SUSD1: variants seen among roughly 807,000 people sequenced by gnomAD.
The protein encoded by SUSD1 is sushi domain-containing protein 1.
In SUSD1, 65 loss-of-function variants were observed where a neutral mutation model predicts 86.9. That is an observed-to-expected ratio of 0.75 (90% CI 0.61 to 0.92). The LOEUF (loss-of-function observed/expected upper bound fraction) is 0.92, where lower values mean the gene tolerates loss of function less well. Ranked by LOEUF, SUSD1 falls within the 40% of genes least tolerant of loss-of-function variation. SUSD1 has a pLI of 0.00. For missense variants in SUSD1, 850 were observed against 929.7 expected, an observed-to-expected ratio of 0.91 and a Z score of 1.11; for synonymous variants, 346 against 350.0, an observed-to-expected ratio of 0.99 and a Z score of 0.13.
intron 12 of SUSD1, among the ~76,000 whole-genome samples, chr9:112,064,861 G>T (rs1375486763): frequency 6.8e-6 from 1 of 146,756 alleles, no homozygotes; most frequent in African/African-American, 2.5e-5. Flanking sequence ...GGGTGACAGA[G>T]TGAGACTCTG....
At chr9:112,090,305 T>C (rs893035149) in intron 10 of SUSD1, among the ~76,000 whole-genome samples, 14 of 152,122 alleles carry the variant, frequency 9.2e-5, no homozygotes. Flanking sequence ...ATTGACTCCA[T>C]TAGACAGAAA....
intron 13 of SUSD1, 152 bp from the exon 14 acceptor site, chr9:112,058,838 G>A: frequency 2.2e-6 from 2 of 930,118 alleles, no homozygotes; most frequent in East Asian, 5.3e-5. Context: ...TCTGTCACTA[G>A]GCTGGAGTAC....
At chr9:112,076,987 G>C (rs1216766749) in intron 12 of SUSD1, among the ~76,000 whole-genome samples, 1 of 152,224 alleles carries the variant, frequency 6.6e-6, no homozygotes, top group Non-Finnish European at 1.5e-5. Flanking sequence ...AGAACAGGAG[G>C]TAGGGCTGTG....
Position 112,113,207 on chromosome 9 carries a change from T to C in SUSD1, c.887-339A>G, listed in dbSNP as rs1831176108. On this transcript the variant is annotated intron_variant, in intron 6 of 16. Coordinates refer to ENST00000374270, the MANE Select transcript of SUSD1 (RefSeq NM_022486.5). This position sits in a 1 kb window ranked among gnomAD's most constrained non-coding sequence, Gnocchi z 4.1. ...ATGAGGCCCAGAGCTGGGTCCTCAG[T>C]GAGACCTTCCCTGCAACTGCACAGG... Among the ~76,000 whole-genome samples, 1 of 152,190 alleles carries C rather than the reference T, an allele frequency of 6.6e-6. No individual in the cohort carries two copies. The highest frequency in any genetic ancestry group is 1.5e-5 in the Non-Finnish European group (1 of 68,030).
intron 10 of SUSD1, among the ~76,000 whole-genome samples, chr9:112,093,932 C>CT (rs1286659609): frequency 8.6e-5 from 13 of 151,760 alleles, no homozygotes; most frequent in Admixed American, 2.6e-4. Flanking sequence ...TTAGCTACCA[C>CT]TTTTTTTTTA....
chr9:112,084,101 A>G (rs151127572), intron 10 of SUSD1, among the ~76,000 whole-genome samples: 2,019 of 152,334 alleles, frequency 0.013, 20 homozygotes, highest in Non-Finnish European at 0.023. Context: ...CACCTGACTG[A>G]CTGTATAACA....
chr9:112,110,238 A>G (rs558376491), intron 8 of SUSD1, among the ~76,000 whole-genome samples: 1 of 152,236 alleles, frequency 6.6e-6, no homozygotes, highest in East Asian at 1.9e-4. Context: ...AATCCCAGCT[A>G]CTCAGAAGGC....
intron 8 of SUSD1, among the ~76,000 whole-genome samples, chr9:112,109,000 C>T (rs539591456): frequency 6.6e-5 from 10 of 152,088 alleles, no homozygotes; most frequent in Non-Finnish European, 1.5e-5. Flanking sequence ...ACTTAGGAGT[C>T]AGAATAACCT....
In SUSD1 at chr9:112,143,621, T is replaced by G. The variant is rs1030835256; in HGVS notation, c.376A>C (p.Ile126Leu). ...IPNDGTFCTD[I>L]DECEVSGLCR... ...AGGCCAGAAACTTCACACTCATCTA[T>G]GTCTTGGGACCCAATCCAAATAGAG... Residue 126 changes from isoleucine (I) to leucine (L), a missense_variant and splice_region_variant, in exon 4 of 17, where the codon ATA (isoleucine) becomes CTA (leucine). Ile to Leu is a conservative substitution (Grantham distance 5). Coordinates refer to ENST00000374270, the MANE Select transcript of SUSD1 (RefSeq NM_022486.5). 3.7e-6 allele frequency: 6 copies of G among 1,611,942 alleles called. No homozygotes were observed. In the Admixed American group the frequency reaches 1.0e-4, roughly 27 times the overall value.
chr9:112,112,837 C>A lies in SUSD1; in HGVS notation c.918G>T (p.Leu306=), dbSNP rs138471089. The change falls in exon 7 of 17, where the codon CTG becomes CTT. Residue 306 remains leucine (L), a synonymous_variant. Transcript: ENST00000374270. ...EILTKINDVS[L]FNDTCVRWQI... ...GCCATCTCACACAGGTATCATTAAACAGTGATACATCATTAATCTTTGTCA... is the reference window on the plus strand; with the variant it reads ...GCCATCTCACACAGGTATCATTAAAAAGTGATACATCATTAATCTTTGTCA... The A allele has an allele frequency of 8.2e-5, 132 of 1,611,886 alleles. 1 individual carries two copies. The South Asian group carries it at 1.3e-3, about 15-fold the overall frequency.
intron 2 of SUSD1, among the ~76,000 whole-genome samples, 155 bp from the exon 3 acceptor site, chr9:112,149,554 C>G (rs540737049): frequency 6.6e-6 from 1 of 152,276 alleles, no homozygotes; most frequent in East Asian, 1.9e-4. Flanking sequence ...TCACGATGCT[C>G]CCCAGACTAC....
At chr9:112,149,931 T>C (rs1832973025) in intron 2 of SUSD1, among the ~76,000 whole-genome samples, 1 of 152,224 alleles carries the variant, frequency 6.6e-6, no homozygotes, top group African/African-American at 2.4e-5. Flanking sequence ...GTCAATGACC[T>C]GTGGTGAATA....
intron 13 of SUSD1, among the ~76,000 whole-genome samples, chr9:112,059,803 T>C (rs1828630810): frequency 6.6e-6 from 1 of 152,216 alleles, no homozygotes; most frequent in Non-Finnish European, 1.5e-5. Context: ...TATTCCCATC[T>C]ATCTGGTACT....
chr9:112,135,167 C>G (rs1265040426), intron 5 of SUSD1, among the ~76,000 whole-genome samples: 1 of 152,138 alleles, frequency 6.6e-6, no homozygotes, highest in Non-Finnish European at 1.5e-5. Flanking sequence ...ATTAACCGCT[C>G]TAATGAGCTC....
intron 12 of SUSD1, among the ~76,000 whole-genome samples, chr9:112,075,444 A>G (rs1363762995): frequency 6.6e-6 from 1 of 152,220 alleles, no homozygotes; most frequent in Non-Finnish European, 1.5e-5. Context: ...AACAAGCTCT[A>G]GGCTGGGCAC....
At chr9:112,122,286 G>A (rs966808440) in intron 6 of SUSD1, among the ~76,000 whole-genome samples, 1 of 152,150 alleles carries the variant, frequency 6.6e-6, no homozygotes, top group South Asian at 2.1e-4. Flanking sequence ...TCAGCCACCT[G>A]AGTACTGGGG....
intron 2 of SUSD1, among the ~76,000 whole-genome samples, chr9:112,151,548 G>T (rs1033662601): frequency 2.0e-5 from 3 of 151,038 alleles, no homozygotes; most frequent in Admixed American, 1.3e-4. Flanking sequence ...AGCAAGCAGA[G>T]ATCATGCCAT....
At chr9:112,142,691 A>G (rs1202004382) in intron 4 of SUSD1, 192 bp from the exon 5 acceptor site, 2 of 563,088 alleles carry the variant, frequency 3.6e-6, no homozygotes, top group Non-Finnish European at 6.1e-6. Context: ...TTGGCCTTCC[A>G]TAGGTAAAGC....
intron 13 of SUSD1, among the ~76,000 whole-genome samples, chr9:112,061,943 A>G (rs568390689): frequency 1.3e-5 from 2 of 152,044 alleles, no homozygotes; most frequent in African/African-American, 4.8e-5. Context: ...CGCCAACCTC[A>G]ATCTTCCTCT....
Sources: allele counts gnomAD v4.1 joint callset (sites outside exome capture counted in the v4.1 genomes callset), GRCh38; gene constraint gnomAD v4.1.1; non-coding constraint Gnocchi (gnomAD v3.1); transcripts MANE v1.5; gene names NCBI Gene and HGNC (gene_info 2026-07-23, HGNC 2026-07-21).